The following PLD5 variants were observed in gnomAD, a reference collection of about 807,000 sequenced individuals.
PLD5 encodes phospholipase D family member 5.
In PLD5, 36 loss-of-function variants were observed where a neutral mutation model predicts 61.1. The ratio of observed to expected loss-of-function variants is 0.59; its 90% CI spans 0.45 to 0.78. The LOEUF is 0.78. Ranked by LOEUF, PLD5 falls within the 30% of genes least tolerant of loss-of-function variation. The pLI is 0.00. For missense variants in PLD5, 515 were observed against 644.4 expected, an observed-to-expected ratio of 0.80 and a Z score of 2.17; for synonymous variants, 243 against 242.8, an observed-to-expected ratio of 1.00 and a Z score of -0.01.
chr1:242,367,796 A>C (rs190529976), intron 1 of PLD5, among the ~76,000 whole-genome samples: 14 of 152,300 alleles, frequency 9.2e-5, no homozygotes, highest in Non-Finnish European at 1.5e-4. Flanking sequence ...ACCCTTGAAA[A>C]TAAGAGTCAA....
intron 5 of PLD5, among the ~76,000 whole-genome samples, chr1:242,170,108 T>C (rs1666637019): frequency 6.6e-6 from 1 of 152,220 alleles, no homozygotes; most frequent in Admixed American, 6.5e-5. Context: ...CTCTTCAAGT[T>C]AGTCCTTGAC....
At chr1:242,310,052 A>G (rs1466497177) in intron 2 of PLD5, among the ~76,000 whole-genome samples, 5 of 79,444 alleles carry the variant, frequency 6.3e-5, no homozygotes, top group Admixed American at 1.6e-4. Context: ...CAACAGGACC[A>G]ATTTTTCTTT....
At chr1:242,437,628 C>A (rs1558566364) in intron 1 of PLD5, among the ~76,000 whole-genome samples, 1 of 151,866 alleles carries the variant, frequency 6.6e-6, no homozygotes, top group Non-Finnish European at 1.5e-5. Context: ...ACCTGGGAGG[C>A]AGAGTTGCAG....
chr1:242,215,521 C>T (rs1040557956), intron 5 of PLD5, among the ~76,000 whole-genome samples: 2 of 152,138 alleles, frequency 1.3e-5, no homozygotes, highest in Admixed American at 1.3e-4. Context: ...CCTCTCAAGA[C>T]ATAAAACCTG....
intron 1 of PLD5, among the ~76,000 whole-genome samples, chr1:242,352,095 T>C (rs143011967): frequency 0.015 from 2,270 of 152,276 alleles, 69 homozygotes; most frequent in African/African-American, 0.052. Flanking sequence ...AATGATACAA[T>C]GTACAGTACT....
intron 2 of PLD5, among the ~76,000 whole-genome samples, chr1:242,333,681 C>A (rs1231828522): frequency 6.6e-6 from 1 of 152,170 alleles, no homozygotes; most frequent in Non-Finnish European, 1.5e-5. Context: ...CCTCTAGTAA[C>A]CACCAATCTA....
chr1:242,498,016 G>A (rs948767786), intron 1 of PLD5, among the ~76,000 whole-genome samples: 2 of 152,078 alleles, frequency 1.3e-5, no homozygotes, highest in Non-Finnish European at 2.9e-5. Context: ...CCAGGCTGGA[G>A]TGCAATGATG....
chr1:242,382,111 A>G (rs1237891035), intron 1 of PLD5, among the ~76,000 whole-genome samples: 2 of 143,494 alleles, frequency 1.4e-5, no homozygotes, highest in Admixed American at 7.1e-5. Context: ...GGCAACTGAT[A>G]GCGGAGACTT....
intron 1 of PLD5, among the ~76,000 whole-genome samples, chr1:242,447,123 C>G (rs1666576624): frequency 6.6e-6 from 1 of 152,212 alleles, no homozygotes; most frequent in Non-Finnish European, 1.5e-5. Context: ...TTGAGAACTT[C>G]TACACATTTT....
chr1:242,359,474 C>A (rs1422379886), intron 1 of PLD5, among the ~76,000 whole-genome samples: 3 of 152,296 alleles, frequency 2.0e-5, no homozygotes, highest in Middle Eastern at 6.8e-3. Context: ...TATTCCTACA[C>A]TGTGGAGTTT....
At chr1:242,524,067 C>A (rs1227517249) in intron 1 of PLD5, 21 bp downstream of exon 1, 12 of 1,528,614 alleles carry the variant, frequency 7.9e-6, no homozygotes, top group Non-Finnish European at 1.0e-5. Flanking sequence ...GCCGAGGCCC[C>A]CGGGAGCGAG....
chr1:242,189,185 G>T (rs960741371), intron 5 of PLD5, among the ~76,000 whole-genome samples: 1 of 152,190 alleles, frequency 6.6e-6, no homozygotes, highest in Non-Finnish European at 1.5e-5. Flanking sequence ...GGTGGCTCAC[G>T]CCTGTAATCC....
intron 1 of PLD5, among the ~76,000 whole-genome samples, chr1:242,381,099 A>G (rs957515374): frequency 6.6e-6 from 1 of 152,192 alleles, no homozygotes; most frequent in Non-Finnish European, 1.5e-5. Context: ...ACATGCATGC[A>G]TATGTTCACT....
At chr1:242,502,719 T>C (rs1048498537) in intron 1 of PLD5, among the ~76,000 whole-genome samples, 2 of 152,070 alleles carry the variant, frequency 1.3e-5, no homozygotes, top group Non-Finnish European at 2.9e-5. Flanking sequence ...ATCTCCTGAC[T>C]TCTGCAAATA....
chr1:242,516,532 C>T (rs1344262104), intron 1 of PLD5, among the ~76,000 whole-genome samples: 2 of 152,036 alleles, frequency 1.3e-5, no homozygotes, highest in African/African-American at 2.4e-5. Context: ...CAAATGAATA[C>T]GTATTTTAAT....
At chr1:242,261,059 G>T (rs1339418091) in intron 4 of PLD5, among the ~76,000 whole-genome samples, 1 of 152,112 alleles carries the variant, frequency 6.6e-6, no homozygotes, top group Non-Finnish European at 1.5e-5. Flanking sequence ...TTCAAAACCT[G>T]AAGGTCCAAG....
At chr1:242,255,576 AC>A (rs1376436941) in intron 4 of PLD5, among the ~76,000 whole-genome samples, 4 of 152,250 alleles carry the variant, frequency 2.6e-5, no homozygotes, top group Non-Finnish European at 4.4e-5. Flanking sequence ...GTGCACATGT[AC>A]CCTAAAACTT....
rs562968733 is a variant in PLD5 at position 242,087,567 on chromosome 1, G to A, written c.*2287C>T. 5.9e-5 allele frequency: 9 copies of A among 151,708 alleles called. No homozygotes were observed. In the East Asian group the frequency reaches 1.8e-3, roughly 30 times the overall value. 9.4% of individuals were successfully genotyped at this position (151,708 alleles called of 1,614,324 possible). On this transcript the variant is annotated 3_prime_UTR_variant, in exon 10 of 10. Transcript: ENST00000536534. Reference sequence around the variant, plus strand: ...CTTTTGTTTGTCTGAGTGTGAACTTGGTAGGTTTGTCTCCACTCCTATTCT... The same window carrying A: ...CTTTTGTTTGTCTGAGTGTGAACTTAGTAGGTTTGTCTCCACTCCTATTCT...
upstream of PLD5, among the ~76,000 whole-genome samples, chr1:242,527,114 C>CTTCTTTTT (rs1669464635): frequency 1.4e-5 from 1 of 71,946 alleles, no homozygotes; most frequent in African/African-American, 5.5e-5. Context: ...CTATCTCCTT[C>CTTCTTTTT]TTTTTTTTTT....
Sources: gnomAD v4.1 joint callset for allele counts (sites outside exome capture counted in the v4.1 genomes callset) on GRCh38, gnomAD v4.1.1 for gene constraint, MANE v1.5 for transcripts, NCBI Gene and HGNC (gene_info 2026-07-23, HGNC 2026-07-21) for gene names.